The following PATZ1 variants were observed in gnomAD, a reference collection of about 807,000 sequenced individuals.
PATZ1 encodes the protein POZ/BTB and AT hook containing zinc finger 1.
PATZ1 carries 9 observed loss-of-function variants against 46.2 expected under a neutral mutation model. The ratio of observed to expected loss-of-function variants is 0.19; its 90% confidence interval spans 0.12 to 0.34. The LOEUF (loss-of-function observed/expected upper bound fraction) is 0.34. PATZ1 is among the 10% of genes least tolerant of loss of function. The probability of loss-of-function intolerance (pLI) is 1.00; values close to 1 mark genes in which losing one functional copy is unlikely to be tolerated. For missense variants in PATZ1, 632 were observed against 923.0 expected (o/e 0.68, Z 4.08); for synonymous variants, 426 against 378.6 (o/e 1.13, Z -1.45).
rs563332252 is a variant in PATZ1, at chr22:31,341,341, G to A, written c.1335+1556C>T. 32 of 1,500,994 alleles carry A rather than the reference G, an allele frequency of 2.1e-5. No individual in the cohort carries two copies. In the African/African-American group the frequency reaches 2.9e-4, roughly 14 times the overall value. 93.0% of individuals were successfully genotyped at this position (1,500,994 alleles called of 1,614,324 possible). A position where few individuals can be genotyped will look rare whatever the true frequency, so the allele number is the denominator to read the frequency against. On this transcript the variant is annotated intron_variant, in intron 2 of 4. Transcript: ENST00000266269. ...CCCTGCTAGCCTCTCCCAAAAGCAG[G>A]GGTCTCAGGCCAAATGCCCCTCCTG... is the stretch of plus-strand genomic sequence containing the variant.
chr22:31,328,995 T>C lies in PATZ1; in HGVS notation c.1508-71A>G. ...ACCTCTCTCCTTCCCCCAACTCCTC[T>C]CCTCTGGCCGCTCTGGCTAGCATTC... On this transcript the variant is annotated intron_variant, in intron 3 of 4. Transcript: ENST00000266269. This position sits in a 1 kb window ranked among gnomAD's most constrained non-coding sequence, Gnocchi z 4.8. 6.7e-7 allele frequency: 1 copy of C among 1,485,002 alleles called. No individual in the cohort carries two copies. The highest frequency in any genetic ancestry group is 9.1e-7 in the Non-Finnish European group (1 of 1,102,344). 92.0% of individuals were successfully genotyped at this position (1,485,002 alleles called of 1,614,324 possible).
At chr22:31,340,439 C>T (rs999684436) in intron 2 of PATZ1, among the ~76,000 whole-genome samples, 1 of 152,202 alleles carries the variant, frequency 6.6e-6, no homozygotes. Context: ...CCAACAGGTG[C>T]CCCTGCTGTT....
Position 31,326,412 on chromosome 22 carries a change from A to C in PATZ1, c.*479T>G, listed in dbSNP as rs1023566943. The C allele has an allele frequency of 4.3e-6, 1 of 234,802 alleles. No individual in the cohort carries two copies. The highest frequency in any genetic ancestry group is 2.2e-5 in the African/African-American group (1 of 45,226). 14.5% of individuals were successfully genotyped at this position (234,802 alleles called of 1,614,324 possible). ...CATGGGATGCTTCTGGCTTCCTTAA[A>C]AACAGTTGGGCATCCGCATTGTATA... On this transcript the variant is annotated 3_prime_UTR_variant, in exon 5 of 5. Coordinates refer to ENST00000266269, the MANE Select transcript of PATZ1 (RefSeq NM_014323.3).
chr22:31,343,532 C>T, intron 1 of PATZ1: 2 of 686,820 alleles, frequency 2.9e-6, no homozygotes, highest in South Asian at 6.5e-5. Context: ...GGTCGGGGCC[C>T]TCTGAGGGAG....
chr22:31,337,714 G>T (rs955269773), intron 2 of PATZ1: 1 of 152,176 alleles, frequency 6.6e-6, no homozygotes, highest in African/African-American at 2.4e-5. Context: ...AGATCAAATG[G>T]TAACCCACTG....
In PATZ1 at chr22:31,345,414, G is replaced by A. The variant is rs547518941; in HGVS notation, c.189C>T (p.Ser63=). The A allele has an allele frequency of 1.7e-4, 269 of 1,611,926 alleles. 5 individuals carry two copies. In the South Asian group the frequency reaches 2.9e-3, roughly 17 times the overall value. The change falls in exon 1 of 5, where the codon AGC becomes AGT. Residue 63 remains serine, a synonymous_variant. Transcript: ENST00000266269. The surrounding 1 kb of genome is among the most constrained non-coding windows in gnomAD (Gnocchi z 7.4). ...PAHRAVLAAC[S]EYFESVFSAQ... ...CGCTGAACACCGACTCAAAGTACTC[G>A]CTGCAGGCGGCCAGCACGGCGCGGT...
In PATZ1 at chr22:31,345,941, T is replaced by G; in HGVS notation, c.-339A>C. 3 of 261,154 alleles carry G rather than the reference T, an allele frequency of 1.1e-5. No individual in the cohort carries two copies. Among genetic ancestry groups the G allele is most frequent in the Non-Finnish European group, 7.2e-6 (1 of 138,590 alleles). 16.2% of individuals were successfully genotyped at this position (261,154 alleles called of 1,614,324 possible). On this transcript the variant is annotated 5_prime_UTR_variant, in exon 1 of 5. Transcript: ENST00000266269. This position sits in a 1 kb window ranked among gnomAD's most constrained non-coding sequence, Gnocchi z 7.4. Reference sequence around the variant, plus strand: ...CCCTCCTGCAAACGCGCCTGCCACCTCCCCTCCCGCCCGCCAGGCGGCGCC... The same window carrying G: ...CCCTCCTGCAAACGCGCCTGCCACCGCCCCTCCCGCCCGCCAGGCGGCGCC...
At position 31,328,938 on chromosome 22, in the gene PATZ1, AAGGAGATG is replaced by A; in HGVS notation, c.1508-22_1508-15del. 1 of 1,607,734 alleles carries A rather than the reference AAGGAGATG, an allele frequency of 6.2e-7. No homozygotes were observed. Among genetic ancestry groups the A allele is most frequent in the Non-Finnish European group, 8.5e-7 (1 of 1,176,114 alleles). ...CAGAGGAGAAACCTAAACAAGACAA[AAGGAGATG>A]AGATCCCGCGGCCAGCAAGAGATAC... is the stretch of plus-strand genomic sequence containing the variant. On this transcript the variant is annotated splice_polypyrimidine_tract_variant and intron_variant, in intron 3 of 4. Transcript: ENST00000266269. The surrounding 1 kb of genome is among the most constrained non-coding windows in gnomAD (Gnocchi z 4.8).
In PATZ1 at chr22:31,328,959, C is replaced by T; in HGVS notation, c.1508-35G>A. On this transcript the variant is annotated intron_variant, in intron 3 of 4. Coordinates refer to ENST00000266269, the MANE Select transcript of PATZ1 (RefSeq NM_014323.3). This position sits in a 1 kb window ranked among gnomAD's most constrained non-coding sequence, Gnocchi z 4.8. ...ACAAAAGGAGATGAGATCCCGCGGC[C>T]AGCAAGAGATACCTCTCTCCTTCCC... is the stretch of plus-strand genomic sequence containing the variant. The T allele has an allele frequency of 6.4e-7, 1 of 1,570,008 alleles. No individual in the cohort carries two copies.
At chr22:31,340,832 A>G in intron 2 of PATZ1, 1 of 1,061,114 alleles carries the variant, frequency 9.4e-7, no homozygotes, top group Non-Finnish European at 1.1e-6. Flanking sequence ...AAAGCTACTC[A>G]TTAGTTTGGT....
At chr22:31,342,820 AGCG>A in intron 2 of PATZ1, 74 bp downstream of exon 2, 1 of 1,527,020 alleles carries the variant, frequency 6.5e-7, no homozygotes, top group Non-Finnish European at 9.0e-7. Flanking sequence ...CGGCACACGC[AGCG>A]GCTGGCTCAA....
At chr22:31,344,151 G>A (rs1240961458) in intron 1 of PATZ1, among the ~76,000 whole-genome samples, 181 bp downstream of exon 1, 2 of 152,180 alleles carry the variant, frequency 1.3e-5, no homozygotes, top group Non-Finnish European at 2.9e-5. Flanking sequence ...TGAGGGAATG[G>A]AAAGCAGGTC....
At chr22:31,335,595 A>G in intron 3 of PATZ1, 97 bp downstream of exon 3, 7 of 1,159,248 alleles carry the variant, frequency 6.0e-6, no homozygotes, top group Admixed American at 2.1e-5. Flanking sequence ...GGCTGTGCAA[A>G]GAGTGGAGTC....
chr22:31,332,025 C>A (rs540903269), intron 3 of PATZ1, among the ~76,000 whole-genome samples: 1 of 152,100 alleles, frequency 6.6e-6, no homozygotes, highest in Non-Finnish European at 1.5e-5. Flanking sequence ...GAAGGAGAAT[C>A]GCTTGAACCA....
intron 3 of PATZ1, among the ~76,000 whole-genome samples, chr22:31,331,855 G>T (rs1171914781): frequency 6.6e-6 from 1 of 152,118 alleles, no homozygotes; most frequent in Non-Finnish European, 1.5e-5. Flanking sequence ...TGGGCGCAGT[G>T]GCTCATGCAC....
rs2049502241 is a variant in PATZ1 at position 31,335,838 on chromosome 22, C to T, written c.1361G>A (p.Arg454Gln). The part of the protein sequence containing the change: ...CQTCNASFAT[R>Q]DRLRSHLACH... ...GGCCAGGTGGGAGCGCAGACGGTCTCGGGTGGCAAAAGAAGCATTGCAGGT... is the reference window on the plus strand; with the variant it reads ...GGCCAGGTGGGAGCGCAGACGGTCTTGGGTGGCAAAAGAAGCATTGCAGGT... The change falls in exon 3 of 5, where the codon CGA becomes CAA. Residue 454 changes from arginine (R) to glutamine (Q), a missense_variant. Arg to Gln is a conservative substitution (Grantham distance 43). Around this residue, in one of 7 missense-constraint regions of PATZ1, gnomAD observed 55 missense variants for 169.0 expected, o/e 0.33. Coordinates refer to ENST00000266269, the MANE Select transcript of PATZ1 (RefSeq NM_014323.3). 4 of 1,613,870 alleles carry T rather than the reference C, an allele frequency of 2.5e-6. No homozygotes were observed. The highest frequency in any genetic ancestry group is 3.4e-6 in the Non-Finnish European group (4 of 1,179,938).
intron 3 of PATZ1, among the ~76,000 whole-genome samples, chr22:31,333,476 C>CTTTTT (rs71319182): frequency 6.2e-5 from 8 of 128,724 alleles, no homozygotes; most frequent in Non-Finnish European, 8.1e-5. Context: ...TATCCTCTTC[C>CTTTTT]TTTTTTTTTT....
At chr22:31,342,865 T>G (rs1377946977) in intron 2 of PATZ1, 32 bp downstream of exon 2, 2 of 1,612,182 alleles carry the variant, frequency 1.2e-6, no homozygotes, top group Non-Finnish European at 1.7e-6. Flanking sequence ...ATCATCTCCT[T>G]CAGCCCATCT....
chr22:31,344,652 G>A lies in PATZ1; in HGVS notation c.951C>T (p.Thr317=), dbSNP rs372106276. 7.7e-5 allele frequency: 124 copies of A among 1,614,024 alleles called. No individual in the cohort carries two copies. In the East Asian group the frequency reaches 1.1e-3, roughly 14 times the overall value. Residue 317 remains threonine, a synonymous_variant, in exon 1 of 5, where the codon ACC becomes ACT. Transcript: ENST00000266269. The stretch of plus-strand genomic sequence containing the variant: ...GGTCGATGTAGCCCAGCTGGAGGCT[G>A]GTGACACCGTGCTGGGCCTCGTGCT... The part of the protein sequence containing the change: ...LRQHEAQHGV[T]SLQLGYIDLP...
Sources: gnomAD v4.1 joint callset for allele counts (sites outside exome capture counted in the v4.1 genomes callset) on GRCh38, gnomAD v4.1.1 for gene constraint, gnomAD v4.1.1 regional missense constraint, Gnocchi (gnomAD v3.1) non-coding constraint, MANE v1.5 for transcripts, NCBI Gene and HGNC (gene_info 2026-07-23, HGNC 2026-07-21) for gene names.